Variants in PXDNL observed in about 807,000 individuals in gnomAD.
The protein encoded by PXDNL is peroxidasin like, also known as probable oxidoreductase PXDNL.
PXDNL carries 145 observed loss-of-function variants against 150.8 expected under a neutral mutation model. The observed-to-expected ratio is 0.96, with a 90% CI of 0.84 to 1.10. The LOEUF is 1.10. Ranked by LOEUF, PXDNL falls within the 50% of genes least tolerant of loss-of-function variation. The probability of loss-of-function intolerance (pLI) is 0.00; values close to 1 mark genes in which losing one functional copy is unlikely to be tolerated. For synonymous variants in PXDNL, 757 were observed against 725.7 expected, an observed-to-expected ratio of 1.04 and a Z score of -0.69; for missense variants, 2,087 against 1,873.9, an observed-to-expected ratio of 1.11 and a Z score of -2.10.
Position 51,512,718 on chromosome 8 carries a change from G to A in PXDNL, c.381-12948C>T, listed in dbSNP as rs1811447897. Among the ~76,000 whole-genome samples, 6 of 152,282 alleles carry A rather than the reference G, an allele frequency of 3.9e-5. No individual in the cohort carries two copies. In the South Asian group the frequency reaches 1.2e-3, roughly 32 times the overall value. ...TACAAAAGCACTATGACCTCGCCAA[G>A]GACAAAGTTTCCAACCTTCTTGACC... On this transcript the variant is annotated intron_variant, in intron 4 of 22. Coordinates refer to ENST00000356297, the MANE Select transcript of PXDNL (RefSeq NM_144651.5).
chr8:51,428,423 G>T (rs1334265428), intron 12 of PXDNL, among the ~76,000 whole-genome samples: 1 of 152,132 alleles, frequency 6.6e-6, no homozygotes, highest in East Asian at 1.9e-4. Context: ...TGACAAAAAA[G>T]AATAAAGTGA....
At chr8:51,598,297 C>A (rs540661905) in intron 2 of PXDNL, among the ~76,000 whole-genome samples, 1 of 151,968 alleles carries the variant, frequency 6.6e-6, no homozygotes, top group East Asian at 1.9e-4. Context: ...GTGTTGGCTT[C>A]CTTGTCTTAT....
chr8:51,366,424 T>G (rs1806921378), intron 19 of PXDNL, among the ~76,000 whole-genome samples: 1 of 152,132 alleles, frequency 6.6e-6, no homozygotes, highest in Non-Finnish European at 1.5e-5. Context: ...CACGTGGCTG[T>G]GCTGGAGTCT....
At chr8:51,525,012 C>T (rs11779554) in intron 4 of PXDNL, among the ~76,000 whole-genome samples, 116,682 of 152,126 alleles carry the variant, frequency 0.77, 45,742 homozygotes, top group East Asian at 0.89. Context: ...CCTGATGATG[C>T]GCCATCCCAG....
chr8:51,446,427 TAAC>T (rs1809676969), intron 12 of PXDNL, among the ~76,000 whole-genome samples: 1 of 152,242 alleles, frequency 6.6e-6, no homozygotes, highest in African/African-American at 2.4e-5. Context: ...CAGTAATTAA[TAAC>T]AACCATTTTT....
chr8:51,424,647 T>G (rs1156279554), intron 13 of PXDNL, among the ~76,000 whole-genome samples: 2 of 152,176 alleles, frequency 1.3e-5, no homozygotes, highest in Non-Finnish European at 2.9e-5. Context: ...TTCATTATTA[T>G]GGATTTAATT....
intron 3 of PXDNL, among the ~76,000 whole-genome samples, chr8:51,564,537 A>G (rs1321657745): frequency 6.6e-6 from 1 of 151,702 alleles, no homozygotes; most frequent in Non-Finnish European, 1.5e-5. Context: ...ACCCTCAAGT[A>G]GGCACACTGG....
chr8:51,515,835 T>C (rs1462216764), intron 4 of PXDNL, among the ~76,000 whole-genome samples: 4 of 152,228 alleles, frequency 2.6e-5, no homozygotes, highest in Non-Finnish European at 5.9e-5. Flanking sequence ...ATAATTGTGA[T>C]CATTTTGATA....
rs540482504 is a variant in PXDNL, at chr8:51,402,956, G to A, written c.3557+5111C>T. Among the ~76,000 whole-genome samples the A allele has an allele frequency of 1.8e-3, 279 of 151,448 alleles. 3 individuals are homozygous for A. The highest frequency in any genetic ancestry group is 6.3e-3 in the African/African-American group (260 of 41,258). On this transcript the variant is annotated intron_variant, in intron 17 of 22. Transcript: ENST00000356297. ...ACACACAAAATTAGCCGGGCGAGGT[G>A]GCCGGCGCCTATAGTCCCAGCTACT...
At chr8:51,457,709 C>A in intron 8 of PXDNL, 42 bp from the exon 9 acceptor site, 1 of 1,520,294 alleles carries the variant, frequency 6.6e-7, no homozygotes, top group Non-Finnish European at 9.0e-7. Context: ...TAATCCCATT[C>A]ATGTTTAAAA....
chr8:51,743,491 C>A (rs1194276948), intron 1 of PXDNL, among the ~76,000 whole-genome samples: 1 of 152,170 alleles, frequency 6.6e-6, no homozygotes, highest in East Asian at 1.9e-4. Context: ...AAGCGATTCT[C>A]ATGCCTCAGC....
chr8:51,727,071 T>A (rs907401308), intron 1 of PXDNL, among the ~76,000 whole-genome samples: 3 of 152,178 alleles, frequency 2.0e-5, no homozygotes, highest in African/African-American at 7.2e-5. Context: ...TTTGTACTTA[T>A]AAGATGACAC....
At chr8:51,454,583 C>A (rs983521113) in intron 9 of PXDNL, among the ~76,000 whole-genome samples, 2 of 152,094 alleles carry the variant, frequency 1.3e-5, no homozygotes, top group Non-Finnish European at 2.9e-5. Context: ...CTGGGAATCT[C>A]AAGCAAAAAT....
At chr8:51,807,454 T>A (rs370581535) in intron 1 of PXDNL, among the ~76,000 whole-genome samples, 2 of 152,154 alleles carry the variant, frequency 1.3e-5, no homozygotes, top group South Asian at 2.1e-4. Flanking sequence ...ACCTCCAACA[T>A]TGGGAGTTAC....
intron 3 of PXDNL, among the ~76,000 whole-genome samples, chr8:51,583,942 G>C (rs1813266500): frequency 1.3e-5 from 2 of 152,282 alleles, no homozygotes; most frequent in South Asian, 4.1e-4. Flanking sequence ...AGGAAGGCTG[G>C]ATGAGTCGCC....
In PXDNL at chr8:51,409,514, C is replaced by A; in HGVS notation, c.2110G>T (p.Ala704Ser). 1.2e-6 allele frequency: 2 copies of A among 1,609,514 alleles called. No individual in the cohort carries two copies. The highest frequency in any genetic ancestry group is 1.7e-4 in the Middle Eastern group (1 of 6,034). The change falls in exon 17 of 23, where the codon GCC (alanine) becomes TCC (serine). Residue 704 changes from alanine (A) to serine (S), a missense_variant. Transcript: ENST00000356297. ...LVSPRSLSLI[A>S]NLSGCTARRP... Reference sequence around the variant, plus strand: ...CGAGCTGTGCATCCAGATAAATTGGCGATGAGGCTGAGGGAGCGCGGGGAC... The same window carrying A: ...CGAGCTGTGCATCCAGATAAATTGGAGATGAGGCTGAGGGAGCGCGGGGAC...
chr8:51,787,667 C>T (rs976977187), intron 1 of PXDNL, among the ~76,000 whole-genome samples: 1 of 152,200 alleles, frequency 6.6e-6, no homozygotes, highest in Admixed American at 6.5e-5. Flanking sequence ...ATGGAGTCAA[C>T]TGCTGGTGAA....
chr8:51,668,176 C>CATTTTTTTTTTTT (rs1815426712), intron 1 of PXDNL, among the ~76,000 whole-genome samples: 1 of 77,386 alleles, frequency 1.3e-5, no homozygotes, highest in Non-Finnish European at 2.2e-5. Context: ...CTCGCTCTCT[C>CATTTTTTTTTTTT]TTTTTTTTTT....
chr8:51,692,041 A>G (rs1432325894), intron 1 of PXDNL, among the ~76,000 whole-genome samples: 1 of 152,236 alleles, frequency 6.6e-6, no homozygotes, highest in African/African-American at 2.4e-5. Context: ...TGCAAGTAGC[A>G]GCAAGGGCCC....
Sources: allele counts gnomAD v4.1 joint callset (sites outside exome capture counted in the v4.1 genomes callset), GRCh38; gene constraint gnomAD v4.1.1; transcripts MANE v1.5; gene names NCBI Gene and HGNC (gene_info 2026-07-23, HGNC 2026-07-21).